ATP11A: variants seen among roughly 807,000 people sequenced by gnomAD.
ATP11A encodes phospholipid-transporting ATPase IH.
In ATP11A, 81 loss-of-function variants were observed where a neutral mutation model predicts 154.4. The ratio of observed to expected loss-of-function variants is 0.52; its 90% CI spans 0.44 to 0.63. The LOEUF (loss-of-function observed/expected upper bound fraction) is 0.63, where lower values mean the gene tolerates loss of function less well. Ranked by LOEUF, ATP11A falls within the 30% of genes least tolerant of loss-of-function variation. ATP11A has a pLI of 0.00. For synonymous variants in ATP11A, 623 were observed against 585.9 expected (o/e 1.06, Z -0.91); for missense variants, 1,316 against 1,474.3 (o/e 0.89, Z 1.76).
intron 2 of ATP11A, among the ~76,000 whole-genome samples, chr13:112,789,343 C>T (rs1315839819): frequency 1.3e-5 from 2 of 151,092 alleles, no homozygotes; most frequent in East Asian, 2.0e-4. Flanking sequence ...TAATTCACAC[C>T]GAGTGTCCTG....
chr13:112,802,264 C>T (rs192858598), intron 2 of ATP11A, among the ~76,000 whole-genome samples: 1 of 151,924 alleles, frequency 6.6e-6, no homozygotes, highest in Non-Finnish European at 1.5e-5. Flanking sequence ...GAGAATGGCG[C>T]GAACCCAGGA....
intron 15 of ATP11A, among the ~76,000 whole-genome samples, chr13:112,834,924 G>T (rs1174151963): frequency 6.6e-6 from 1 of 152,202 alleles, no homozygotes; most frequent in Non-Finnish European, 1.5e-5. Context: ...GTGAACAAAA[G>T]TTCACTGTCA....
At chr13:112,747,831 C>G (rs1033870564) in intron 1 of ATP11A, among the ~76,000 whole-genome samples, 2 of 147,190 alleles carry the variant, frequency 1.4e-5, no homozygotes, top group African/African-American at 5.2e-5. Flanking sequence ...GTGTAAGACT[C>G]CATCTCAAAA....
At chr13:112,856,516 G>A (rs991868248) in intron 20 of ATP11A, 4 of 153,512 alleles carry the variant, frequency 2.6e-5, no homozygotes, top group African/African-American at 9.6e-5. Context: ...CTTTACAAAT[G>A]GGAATAATTT....
intron 1 of ATP11A, among the ~76,000 whole-genome samples, chr13:112,720,446 G>A (rs755410912): frequency 2.2e-4 from 33 of 152,254 alleles, no homozygotes; most frequent in African/African-American, 6.5e-4. Flanking sequence ...TGTGGGGTGC[G>A]TTCACCTTCG....
chr13:112,707,735 G>A (rs1239128147), intron 1 of ATP11A, among the ~76,000 whole-genome samples: 6 of 152,056 alleles, frequency 3.9e-5, no homozygotes, highest in Non-Finnish European at 8.8e-5. Context: ...ACCATTTCTC[G>A]ATCAGATTGT....
At chr13:112,768,701 A>G (rs1172117638) in intron 1 of ATP11A, among the ~76,000 whole-genome samples, 2 of 152,122 alleles carry the variant, frequency 1.3e-5, no homozygotes, top group Non-Finnish European at 2.9e-5. Flanking sequence ...TTTTCTGGCT[A>G]ATTCATCTTT....
intron 1 of ATP11A, among the ~76,000 whole-genome samples, chr13:112,724,387 C>T (rs1008068327): frequency 5.9e-5 from 9 of 151,864 alleles, no homozygotes; most frequent in Non-Finnish European, 1.2e-4. Flanking sequence ...TGGAAGGACT[C>T]GCGGAACTCA....
At chr13:112,833,714 C>T (rs1017534081) in intron 14 of ATP11A, among the ~76,000 whole-genome samples, 16 of 152,178 alleles carry the variant, frequency 1.1e-4, no homozygotes, top group African/African-American at 3.1e-4. Context: ...AGCACAGATA[C>T]GTCAACAGTA....
At chr13:112,712,826 G>A (rs568834823) in intron 1 of ATP11A, among the ~76,000 whole-genome samples, 1 of 152,350 alleles carries the variant, frequency 6.6e-6, no homozygotes, top group South Asian at 2.1e-4. Context: ...TGGGACTCGG[G>A]GTTCAGTGCA....
rs1367510601 is a variant in ATP11A, at chr13:112,883,063, C to T, written c.*1197C>T. 5.0e-6 allele frequency: 2 copies of T among 398,180 alleles called. No individual in the cohort carries two copies. Among genetic ancestry groups the T allele is most frequent in the Non-Finnish European group, 8.8e-6 (2 of 226,154 alleles). The allele number at this position is 398,180 out of a possible 1,614,324, so 24.7% of individuals were successfully genotyped here. ...CACCTCGTCCCCACATCCCCTTGCC[C>T]CGTCACCTCGTCCTCATGTCCCCTT... On this transcript the variant is annotated 3_prime_UTR_variant, in exon 30 of 30. Coordinates refer to ENST00000375645, the MANE Select transcript of ATP11A (RefSeq NM_015205.3).
intron 12 of ATP11A, among the ~76,000 whole-genome samples, chr13:112,829,413 T>C (rs559393861): frequency 1.3e-5 from 2 of 152,356 alleles, no homozygotes; most frequent in South Asian, 4.1e-4. Flanking sequence ...GCTCAATGTG[T>C]GCAAATCAGT....
rs184856871 is a variant in ATP11A, at chr13:112,862,742, G to A, written c.2991+167G>A. ...AGTGCAGGCCACGCAGCTTCCCAGC[G>A]GGGTCCATCACCACATGTGCCGTAA... On this transcript the variant is annotated intron_variant, in intron 25 of 29. Coordinates refer to ENST00000375645, the MANE Select transcript of ATP11A (RefSeq NM_015205.3). Among the ~76,000 whole-genome samples, 457 of 147,230 alleles carry A rather than the reference G, an allele frequency of 3.1e-3. 2 individuals carry two copies. The highest frequency in any genetic ancestry group is 4.9e-3 in the Non-Finnish European group (330 of 67,240).
intron 1 of ATP11A, among the ~76,000 whole-genome samples, chr13:112,758,046 G>C (rs2076881749): frequency 6.6e-6 from 1 of 152,210 alleles, no homozygotes; most frequent in Non-Finnish European, 1.5e-5. Flanking sequence ...CTCAACCTTT[G>C]TTTTTACACT....
At chr13:112,826,673 C>T (rs2078942029) in intron 11 of ATP11A, 21 bp from the exon 12 acceptor site, 2 of 1,612,278 alleles carry the variant, frequency 1.2e-6, no homozygotes, top group African/African-American at 1.3e-5. Context: ...AGGTGCTGAC[C>T]CGCACCTTCT....
chr13:112,854,620 T>C, intron 19 of ATP11A, 90 bp downstream of exon 19: 2 of 1,447,586 alleles, frequency 1.4e-6, no homozygotes, highest in South Asian at 1.3e-5. Flanking sequence ...GGGAGCCGCA[T>C]TGTCTCTACT....
intron 18 of ATP11A, 144 bp downstream of exon 18, chr13:112,851,362 T>A (rs965662291): frequency 5.6e-6 from 4 of 719,830 alleles, no homozygotes; most frequent in Non-Finnish European, 9.0e-6. Flanking sequence ...AGGCTAGGTG[T>A]CTTGCTACAC....
At position 112,883,421 on chromosome 13, in the gene ATP11A, GCCGGCCCTCACGCCCGCC is replaced by G. The variant is rs2080927311; in HGVS notation, c.*1559_*1576del. ...AAGCACCACCAACGCTGGAGGAGGA[GCCGGCCCTCACGCCCGCC>G]CCGCGCCACGCTGTGGAACGGGGCT... On this transcript the variant is annotated 3_prime_UTR_variant, in exon 30 of 30. Coordinates refer to ENST00000375645, the MANE Select transcript of ATP11A (RefSeq NM_015205.3). The G allele has an allele frequency of 2.6e-6, 1 of 383,992 alleles. No homozygotes were observed. The highest frequency in any genetic ancestry group is 2.1e-5 in the African/African-American group (1 of 48,344). 23.8% of individuals were successfully genotyped at this position (383,992 alleles called of 1,614,324 possible).
chr13:112,693,991 C>T (rs1885501502), intron 1 of ATP11A, among the ~76,000 whole-genome samples: 1 of 152,262 alleles, frequency 6.6e-6, no homozygotes, highest in East Asian at 1.9e-4. Context: ...GGATGGAGAG[C>T]GAGTTCCATT....
Sources: gnomAD v4.1 joint callset for allele counts (sites outside exome capture counted in the v4.1 genomes callset) on GRCh38, gnomAD v4.1.1 for gene constraint, MANE v1.5 for transcripts, NCBI Gene and HGNC (gene_info 2026-07-23, HGNC 2026-07-21) for gene names.